TBCD: variants seen among roughly 807,000 people sequenced by gnomAD.
The protein encoded by TBCD is tubulin folding cofactor D.
A neutral mutation model predicts 169.3 loss-of-function variants in TBCD; 105 were observed. The ratio of observed to expected loss-of-function variants is 0.62; its 90% CI spans 0.53 to 0.73. The LOEUF (loss-of-function observed/expected upper bound fraction) is 0.73. TBCD is among the 30% of genes least tolerant of loss of function. TBCD has a pLI of 0.00. For synonymous variants in TBCD, 700 were observed against 643.9 expected (o/e 1.09, Z -1.32); for missense variants, 1,444 against 1,600.1 (o/e 0.90, Z 1.66).
At position 82,835,700 on chromosome 17, in the gene TBCD, C is replaced by T. The variant is rs955213455; in HGVS notation, c.1318+20766C>T. On this transcript the variant is annotated intron_variant, in intron 13 of 38. Transcript: ENST00000355528. This position sits in a 1 kb window ranked among gnomAD's most constrained non-coding sequence, Gnocchi z 4.5. ...TCAGCCTCCCAAAGTGCTGGGATTA[C>T]AGGCATGAGCCACCGTGCCTGGCTC... Among the ~76,000 whole-genome samples, 21 of 152,208 alleles carry T rather than the reference C, an allele frequency of 1.4e-4. No homozygotes were observed. The highest frequency in any genetic ancestry group is 4.1e-4 in the African/African-American group (17 of 41,438).
intron 23 of TBCD, among the ~76,000 whole-genome samples, chr17:82,912,502 G>A (rs898677066): frequency 2.0e-5 from 3 of 152,084 alleles, no homozygotes; most frequent in East Asian, 1.9e-4. Context: ...TGGATTCCCC[G>A]ACACAGCTCC....
intron 6 of TBCD, among the ~76,000 whole-genome samples, chr17:82,774,590 G>A (rs1156953165): frequency 1.3e-5 from 2 of 152,146 alleles, no homozygotes; most frequent in Non-Finnish European, 2.9e-5. Flanking sequence ...GGTGGCAGCC[G>A]GGCAGAGGGG....
intron 13 of TBCD, chr17:82,830,164 C>T (rs751094786): frequency 6.2e-7 from 1 of 1,613,986 alleles, no homozygotes; most frequent in African/African-American, 1.3e-5. Context: ...GGCCCTCCTT[C>T]GTAGTGTGAA....
At chr17:82,796,950 C>T (rs866230570) in intron 7 of TBCD, among the ~76,000 whole-genome samples, 2 of 152,144 alleles carry the variant, frequency 1.3e-5, no homozygotes, top group Admixed American at 6.6e-5. Flanking sequence ...ACAGGGGTGG[C>T]GTGGTGTGCG....
At chr17:82,817,293 G>C (rs529419876) in intron 13 of TBCD, among the ~76,000 whole-genome samples, 1 of 151,934 alleles carries the variant, frequency 6.6e-6, no homozygotes, top group East Asian at 1.9e-4. Context: ...ACCATGCCTG[G>C]CAACTTTTTT....
rs1192266263 is a variant in TBCD at position 82,893,780 on chromosome 17, G to A, written c.1649+148G>A. ...TGTGAAAAATTAAAAATGGAATTGG[G>A]AACAGTGACTGAAACTTGTGTTTCA... On this transcript the variant is annotated intron_variant, in intron 17 of 38. Transcript: ENST00000355528. 4 of 647,852 alleles carry A rather than the reference G, an allele frequency of 6.2e-6. No individual in the cohort carries two copies. In the African/African-American group the frequency reaches 7.3e-5, roughly 12 times the overall value. 40.1% of individuals were successfully genotyped at this position (647,852 alleles called of 1,614,324 possible).
In TBCD at chr17:82,800,878, A is replaced by C; in HGVS notation, c.832A>C (p.Arg278=). The change falls in exon 9 of 39, where the codon AGG becomes CGG. Residue 278 remains arginine, a synonymous_variant. Transcript: ENST00000355528. The part of the protein sequence containing the change: ...DCLPYAATVL[R]CLDGCRLPES... ...CTTGTTTGCAGCTGCCACTGTCCTCAGGTGCCTCGATGGCTGCAGACTCCC... is the reference window on the plus strand; with the variant it reads ...CTTGTTTGCAGCTGCCACTGTCCTCCGGTGCCTCGATGGCTGCAGACTCCC... 6.2e-7 allele frequency: 1 copy of C among 1,612,548 alleles called. No homozygotes were observed.
chr17:82,933,328 G>A (rs1228014120), intron 34 of TBCD, among the ~76,000 whole-genome samples: 3 of 146,948 alleles, frequency 2.0e-5, no homozygotes, highest in Non-Finnish European at 4.5e-5. Flanking sequence ...AGGCTGGAGT[G>A]CAGTGGCACA....
At chr17:82,850,066 C>T (rs878944691) in intron 13 of TBCD, among the ~76,000 whole-genome samples, 428 of 11,904 alleles carry the variant, frequency 0.036, 59 homozygotes, top group African/African-American at 0.1. Context: ...GGCTGTGCTG[C>T]TGTTGGCTGT....
chr17:82,830,453 C>T (rs769783309), intron 13 of TBCD: 61 of 1,612,174 alleles, frequency 3.8e-5, no homozygotes, highest in Non-Finnish European at 4.8e-5. Context: ...ACCGCGCATG[C>T]GTCTGGAGCC....
At chr17:82,776,669 G>A (rs901643397) in intron 6 of TBCD, among the ~76,000 whole-genome samples, 2 of 152,142 alleles carry the variant, frequency 1.3e-5, no homozygotes, top group African/African-American at 4.8e-5. Context: ...GAGCAGTCAC[G>A]GACGCCTGGG....
intron 13 of TBCD, among the ~76,000 whole-genome samples, chr17:82,869,266 C>A (rs1168700019): frequency 6.6e-6 from 1 of 152,346 alleles, no homozygotes; most frequent in South Asian, 2.1e-4. Context: ...CTTCTTGGAA[C>A]ATCCCCATAT....
intron 33 of TBCD, among the ~76,000 whole-genome samples, chr17:82,931,076 A>C (rs2062161812): frequency 6.6e-6 from 1 of 152,110 alleles, no homozygotes; most frequent in South Asian, 2.1e-4. Context: ...TGCTTTCTAG[A>C]AGTTTCTGGC....
intron 8 of TBCD, among the ~76,000 whole-genome samples, chr17:82,799,625 G>A (rs772788223): frequency 6.6e-6 from 1 of 152,136 alleles, no homozygotes; most frequent in African/African-American, 2.4e-5. Context: ...TCCCTGCACC[G>A]CACAGGAGGG....
chr17:82,800,193 C>G (rs544762137), intron 8 of TBCD, among the ~76,000 whole-genome samples: 90 of 152,346 alleles, frequency 5.9e-4, no homozygotes, highest in South Asian at 3.9e-3. Flanking sequence ...CCATGCACTT[C>G]CACCCCAGCC....
intron 6 of TBCD, among the ~76,000 whole-genome samples, chr17:82,778,942 A>G (rs538740220): frequency 4.0e-5 from 6 of 151,764 alleles, no homozygotes; most frequent in Non-Finnish European, 8.8e-5. Context: ...GATTACAGGC[A>G]TGAGCCACTG....
chr17:82,873,976 C>T (rs536647161), intron 14 of TBCD, among the ~76,000 whole-genome samples: 124 of 152,336 alleles, frequency 8.1e-4, no homozygotes, highest in Non-Finnish European at 1.5e-3. Flanking sequence ...CCTTGAGCCG[C>T]CCCTGCACAG....
intron 15 of TBCD, among the ~76,000 whole-genome samples, chr17:82,887,375 C>T (rs549121345): frequency 6.6e-6 from 1 of 152,218 alleles, no homozygotes; most frequent in Admixed American, 6.5e-5. Context: ...TCTATTCTGT[C>T]ATCTCGAGAA....
rs114763384 is a variant in TBCD, at chr17:82,940,670, G to T, written c.3480-729G>T. On this transcript the variant is annotated intron_variant, in intron 37 of 38. Transcript: ENST00000355528. ...AACACGTGGTCCCAGGAGAGGAACC[G>T]GGAGCAGCTGGGCTGTCTTCTCAAC... 1.2e-3 allele frequency among the ~76,000 whole-genome samples: 183 copies of T among 152,312 alleles called. 1 individual carries two copies. Among genetic ancestry groups the T allele is most frequent in the African/African-American group, 4.2e-3 (175 of 41,554 alleles).
Sources: allele counts gnomAD v4.1 joint callset (sites outside exome capture counted in the v4.1 genomes callset), GRCh38; gene constraint gnomAD v4.1.1; non-coding constraint Gnocchi (gnomAD v3.1); transcripts MANE v1.5; gene names NCBI Gene and HGNC (gene_info 2026-07-23, HGNC 2026-07-21).